Variants in ANKFN1 observed in about 807,000 individuals in gnomAD.
ANKFN1 encodes ankyrin repeat and fibronectin type-III domain-containing protein 1.
A neutral mutation model predicts 108.7 loss-of-function variants in ANKFN1; 74 were observed. The observed-to-expected ratio is 0.68, with a 90% CI of 0.56 to 0.83. The LOEUF is 0.83. Ranked by LOEUF, ANKFN1 falls within the 40% of genes least tolerant of loss-of-function variation. ANKFN1 has a pLI of 0.00. For missense variants in ANKFN1, 1,505 were observed against 1,382.3 expected, an observed-to-expected ratio of 1.09 and a Z score of -1.41; for synonymous variants, 547 against 516.2, an observed-to-expected ratio of 1.06 and a Z score of -0.81.
At chr17:56,071,397 G>A (rs1905119217) in intron 4 of ANKFN1, among the ~76,000 whole-genome samples, 2 of 152,102 alleles carry the variant, frequency 1.3e-5, no homozygotes. Flanking sequence ...GTTTCTCTCT[G>A]ACCTTGGAGT....
At chr17:56,131,873 T>C (rs966165313) in intron 4 of ANKFN1, among the ~76,000 whole-genome samples, 1 of 152,220 alleles carries the variant, frequency 6.6e-6, no homozygotes, top group Admixed American at 6.6e-5. Context: ...CAATTTCTTT[T>C]AAAGATGAGA....
chr17:56,280,331 T>C (rs1183002863), intron 3 of ANKFN1, among the ~76,000 whole-genome samples: 3 of 152,118 alleles, frequency 2.0e-5, no homozygotes, highest in Admixed American at 6.5e-5. Context: ...TGAGAACCCA[T>C]AGAATAAAAA....
intron 3 of ANKFN1, among the ~76,000 whole-genome samples, chr17:56,272,929 C>G (rs929426272): frequency 3.9e-5 from 6 of 152,138 alleles, no homozygotes; most frequent in Non-Finnish European, 7.4e-5. Context: ...GTTTCCTTTA[C>G]ATTTTTGCCA....
In ANKFN1 at chr17:56,423,925, T is replaced by C. The variant is rs547353465; in HGVS notation, c.911-16402T>C. Among the ~76,000 whole-genome samples, 3 of 152,344 alleles carry C rather than the reference T, an allele frequency of 2.0e-5. No homozygotes were observed. In the South Asian group the frequency reaches 6.2e-4, roughly 32 times the overall value. ...CCAATCTTAATGATGCTCAGGAATG[T>C]ATTGGCTTTATATGTAGAAACCTGA... On this transcript the variant is annotated intron_variant, in intron 8 of 20. Coordinates refer to ENST00000682825, the MANE Select transcript of ANKFN1 (RefSeq NM_001370326.1).
At chr17:56,494,603 C>T (rs1249538078) in intron 19 of ANKFN1, among the ~76,000 whole-genome samples, 2 of 152,006 alleles carry the variant, frequency 1.3e-5, no homozygotes, top group African/African-American at 4.8e-5. Context: ...AAGGAGCACA[C>T]ATTTTTAGTC....
chr17:56,376,846 T>C (rs960038746), intron 8 of ANKFN1, among the ~76,000 whole-genome samples: 1 of 152,180 alleles, frequency 6.6e-6, no homozygotes, highest in Non-Finnish European at 1.5e-5. Context: ...ATTTATAAGG[T>C]CATAAATTGA....
rs536018363 is a variant in ANKFN1, at chr17:56,135,978, G to A, written c.288+89653G>A. 5.9e-5 allele frequency among the ~76,000 whole-genome samples: 9 copies of A among 152,270 alleles called. No individual in the cohort carries two copies. In the South Asian group the frequency reaches 1.9e-3, roughly 32 times the overall value. On this transcript the variant is annotated intron_variant, in intron 4 of 12. Transcript: ENST00000635860. ...TTCCACAGAGATTGTAGTGGAGCAT[G>A]CTATGAGATATTTTGATAAAAAGGT...
chr17:56,135,518 T>C (rs917952617), intron 4 of ANKFN1, among the ~76,000 whole-genome samples: 1 of 152,152 alleles, frequency 6.6e-6, no homozygotes. Context: ...TAGCAGCTGC[T>C]GAGAAGCCAC....
intron 3 of ANKFN1, among the ~76,000 whole-genome samples, chr17:56,322,031 A>G (rs2045383164): frequency 1.3e-5 from 2 of 152,198 alleles, no homozygotes; most frequent in Admixed American, 1.3e-4. Flanking sequence ...AGCCTGGGCT[A>G]AAATCTTTAC....
At chr17:56,125,423 G>A (rs567699438) in intron 4 of ANKFN1, among the ~76,000 whole-genome samples, 1 of 152,322 alleles carries the variant, frequency 6.6e-6, no homozygotes, top group Non-Finnish European at 1.5e-5. Flanking sequence ...GGGAAAAAAG[G>A]AGAAGACTCC....
intron 4 of ANKFN1, among the ~76,000 whole-genome samples, chr17:56,077,266 G>A (rs2332570): frequency 0.56 from 84,566 of 152,024 alleles, 24,982 homozygotes; most frequent in Non-Finnish European, 0.68. Flanking sequence ...CCCATGGAGG[G>A]TAATAGTAAC....
intron 4 of ANKFN1, among the ~76,000 whole-genome samples, chr17:56,113,196 C>A (rs1483186052): frequency 1.3e-5 from 2 of 152,156 alleles, no homozygotes; most frequent in Non-Finnish European, 2.9e-5. Context: ...TAGAAAATCA[C>A]ATGCCAATGC....
chr17:56,413,297 C>A (rs144270780), intron 8 of ANKFN1, among the ~76,000 whole-genome samples: 1 of 152,072 alleles, frequency 6.6e-6, no homozygotes, highest in East Asian at 1.9e-4. Flanking sequence ...TTGCTGAAGT[C>A]GTTTATCAGC....
chr17:56,193,526 A>T (rs941005742), intron 1 of ANKFN1, among the ~76,000 whole-genome samples: 72 of 149,640 alleles, frequency 4.8e-4, no homozygotes, highest in Non-Finnish European at 8.7e-4. Flanking sequence ...GTAGCGTTTT[A>T]AAAAAAAATA....
At chr17:56,111,896 G>T (rs963622703) in intron 4 of ANKFN1, among the ~76,000 whole-genome samples, 8 of 152,202 alleles carry the variant, frequency 5.3e-5, no homozygotes, top group African/African-American at 1.9e-4. Flanking sequence ...TGTTCCAGCG[G>T]CACAGCCTGC....
chr17:56,295,134 C>T (rs933127100), intron 3 of ANKFN1, among the ~76,000 whole-genome samples: 6 of 152,182 alleles, frequency 3.9e-5, no homozygotes, highest in African/African-American at 7.2e-5. Context: ...AAATGACCAC[C>T]GCTGGGAGTT....
intron 4 of ANKFN1, among the ~76,000 whole-genome samples, chr17:56,127,506 G>T (rs1209581400): frequency 6.6e-6 from 1 of 152,018 alleles, no homozygotes; most frequent in Admixed American, 6.6e-5. Flanking sequence ...TAGAGACGGG[G>T]TTTTGCCATG....
intron 1 of ANKFN1, among the ~76,000 whole-genome samples, chr17:56,169,549 A>G (rs1252118310): frequency 6.6e-6 from 1 of 152,200 alleles, no homozygotes; most frequent in Non-Finnish European, 1.5e-5. Context: ...GATTATAGGC[A>G]TGAGCAACGA....
chr17:56,373,972 C>T (rs142995555), intron 7 of ANKFN1, among the ~76,000 whole-genome samples: 258 of 152,300 alleles, frequency 1.7e-3, no homozygotes, highest in African/African-American at 5.5e-3. Flanking sequence ...GTGGACATGA[C>T]ATCCACCCAT....
Sources: allele counts gnomAD v4.1 joint callset (sites outside exome capture counted in the v4.1 genomes callset), GRCh38; gene constraint gnomAD v4.1.1; transcripts MANE v1.5; gene names NCBI Gene and HGNC (gene_info 2026-07-23, HGNC 2026-07-21).